Variants in RBBP4 observed in about 807,000 individuals in gnomAD.
RBBP4 encodes the protein histone-binding protein RBBP4.
Under a neutral mutation model 57.2 loss-of-function variants are expected in RBBP4, and 3 were observed. The observed-to-expected ratio is 0.05, with a 90% CI of 0.02 to 0.14. The LOEUF (loss-of-function observed/expected upper bound fraction) is 0.14. Ranked by LOEUF, RBBP4 falls within the 10% of genes least tolerant of loss-of-function variation. The probability of loss-of-function intolerance (pLI) is 1.00; values close to 1 mark genes in which losing one functional copy is unlikely to be tolerated. For missense variants in RBBP4, 107 were observed against 520.6 expected (o/e 0.21, Z 7.73); for synonymous variants, 151 against 171.5 (o/e 0.88, Z 0.93).
At chr1:32,673,001 T>G in intron 11 of RBBP4, 100 bp downstream of exon 11, 1 of 1,003,682 alleles carries the variant, frequency 1.0e-6, no homozygotes, top group Non-Finnish European at 1.5e-6. Context: ...TCTCTGTTCA[T>G]TTTACTCCCA....
intron 11 of RBBP4, among the ~76,000 whole-genome samples, chr1:32,673,862 G>T (rs1339095805): frequency 2.0e-5 from 3 of 152,142 alleles, no homozygotes; most frequent in African/African-American, 7.2e-5. Flanking sequence ...ACTCTGGGAG[G>T]CCGAGGCGGG....
intron 3 of RBBP4, among the ~76,000 whole-genome samples, chr1:32,666,803 A>T (rs1029558871): frequency 7.2e-5 from 11 of 152,232 alleles, no homozygotes; most frequent in Non-Finnish European, 1.6e-4. Flanking sequence ...AGATATAGAG[A>T]TGATCATGGA....
chr1:32,672,327 A>G (rs2762905), intron 8 of RBBP4, 123 bp from the exon 9 acceptor site: 699,321 of 764,856 alleles, frequency 0.91, 324,715 homozygotes, highest in Non-Finnish European at 0.96. Context: ...TGTAACGTGT[A>G]TAATACCTTG....
In RBBP4 at chr1:32,653,651, T is replaced by TTTG. The variant is rs1648000912; in HGVS notation, c.164+1592_164+1593insGTT. Among the ~76,000 whole-genome samples, 284 of 37,822 alleles carry TTTG rather than the reference T, an allele frequency of 7.5e-3. 11 individuals are homozygous for TTTG. In the East Asian group the frequency reaches 0.1, roughly 14 times the overall value. 24.8% of individuals were successfully genotyped at this position (37,822 alleles called of 152,430 possible). On this transcript the variant is annotated intron_variant, in intron 2 of 11. Transcript: ENST00000373493. The stretch of plus-strand genomic sequence containing the variant: ...TTTGTTTTCTGGTTTTTTTTTTTTT[T>TTTG]TTTTTTTTGTTTTTGTTTTTTTTTT...
intron 11 of RBBP4, among the ~76,000 whole-genome samples, chr1:32,673,770 A>G (rs1035072278): frequency 1.3e-5 from 2 of 152,118 alleles, no homozygotes; most frequent in Non-Finnish European, 2.9e-5. Flanking sequence ...TTTAATAAAA[A>G]TAACTGTGGT....
chr1:32,652,826 G>A (rs534710379), intron 2 of RBBP4, among the ~76,000 whole-genome samples: 51 of 152,326 alleles, frequency 3.3e-4, no homozygotes, highest in Non-Finnish European at 6.2e-4. Flanking sequence ...GATTACAGGC[G>A]TGAGCCACTG....
chr1:32,678,008 T>C (rs1373530095), intron 11 of RBBP4, among the ~76,000 whole-genome samples: 1 of 152,216 alleles, frequency 6.6e-6, no homozygotes, highest in Non-Finnish European at 1.5e-5. Context: ...AAGAACAGTT[T>C]TTCTCTTCAA....
At chr1:32,677,228 G>C (rs1372476278) in intron 11 of RBBP4, among the ~76,000 whole-genome samples, 1 of 152,026 alleles carries the variant, frequency 6.6e-6, no homozygotes, top group East Asian at 1.9e-4. Flanking sequence ...AGTTGGTTTA[G>C]TCAGAAAGGC....
chr1:32,676,117 G>A (rs1157847400), intron 11 of RBBP4, among the ~76,000 whole-genome samples: 1 of 152,132 alleles, frequency 6.6e-6, no homozygotes, highest in Non-Finnish European at 1.5e-5. Flanking sequence ...TGAGGCTACA[G>A]TGGGCTGTGA....
chr1:32,672,515 C>T lies in RBBP4; in HGVS notation c.1032C>T (p.Val344=). The T allele has an allele frequency of 1.2e-6, 2 of 1,609,940 alleles. No homozygotes were observed. Among genetic ancestry groups the T allele is most frequent in the Non-Finnish European group, 1.7e-6 (2 of 1,176,302 alleles). Residue 344 remains valine (V), a synonymous_variant, in exon 9 of 12, where the codon GTC becomes GTT. Transcript: ENST00000373493. ...ASSGTDRRLN[V]WDLSKIGEEQ... is the part of the protein sequence containing the mutation. ...GTGGTACTGATCGCAGACTGAATGTCTGGGATTTAAGGTAATTCTTGTATT... is the reference window on the plus strand; with the variant it reads ...GTGGTACTGATCGCAGACTGAATGTTTGGGATTTAAGGTAATTCTTGTATT...
chr1:32,676,041 G>A (rs1010029953), intron 11 of RBBP4, among the ~76,000 whole-genome samples: 1 of 151,928 alleles, frequency 6.6e-6, no homozygotes, highest in African/African-American at 2.4e-5. Context: ...GAGACATGGT[G>A]GCATGTGCCT....
At chr1:32,673,482 G>T in intron 11 of RBBP4, 1 of 424,322 alleles carries the variant, frequency 2.4e-6, no homozygotes, top group Non-Finnish European at 4.6e-6. Context: ...TTTTCACCCA[G>T]GCTGGAGTGC....
chr1:32,672,630 C>A lies in RBBP4; in HGVS notation c.1044-12C>A. 6.2e-7 allele frequency: 1 copy of A among 1,613,322 alleles called. No individual in the cohort carries two copies. Among genetic ancestry groups the A allele is most frequent in the Non-Finnish European group, 8.5e-7 (1 of 1,179,292 alleles). On this transcript the variant is annotated splice_polypyrimidine_tract_variant and intron_variant, in intron 9 of 11. Transcript: ENST00000373493. Reference sequence around the variant, plus strand: ...ATCTGTTTTAACTTTTAAAATTATGCTTTTGTACTAGTAAAATTGGAGAGG... The same window carrying A: ...ATCTGTTTTAACTTTTAAAATTATGATTTTGTACTAGTAAAATTGGAGAGG...
intron 1 of RBBP4, 96 bp downstream of exon 1, chr1:32,651,418 C>T (rs952541209): frequency 5.1e-6 from 7 of 1,381,360 alleles, no homozygotes; most frequent in African/African-American, 4.6e-5. Flanking sequence ...CCGAGTTTGC[C>T]GAGTGCAGTC....
At chr1:32,665,593 G>A (rs926053211) in intron 3 of RBBP4, among the ~76,000 whole-genome samples, 4 of 150,406 alleles carry the variant, frequency 2.7e-5, no homozygotes, top group Middle Eastern at 3.2e-3. Context: ...CAGGAGAATC[G>A]CTTGAACCCA....
At position 32,683,145 on chromosome 1, in the gene RBBP4, G is replaced by A. The variant is rs1156572413; in HGVS notation, c.*3440G>A. 2 of 151,968 alleles carry A rather than the reference G, an allele frequency of 1.3e-5. No individual in the cohort carries two copies. The highest frequency in any genetic ancestry group is 1.5e-5 in the Non-Finnish European group (1 of 68,082). The allele number at this position is 151,968 out of a possible 1,614,324, so 9.4% of individuals were successfully genotyped here. On this transcript the variant is annotated 3_prime_UTR_variant, in exon 12 of 12. Transcript: ENST00000373493. ...AAATACAAAAAAATTAGCCAGGCGT[G>A]GTGGTGCGTGCCTATAATCCCAGCT...
rs1372208852 is a variant in RBBP4 at position 32,684,015 on chromosome 1, G to T, written c.*4310G>T. On this transcript the variant is annotated 3_prime_UTR_variant, in exon 12 of 12. Coordinates refer to ENST00000373493, the MANE Select transcript of RBBP4 (RefSeq NM_005610.3). The stretch of plus-strand genomic sequence containing the variant: ...CTTCTCTTCACAAAGATCACCTTGA[G>T]ACTGTGTCTCCATTCCACCTGCCTG... 2 of 1,614,008 alleles carry T rather than the reference G, an allele frequency of 1.2e-6. No individual in the cohort carries two copies. Among genetic ancestry groups the T allele is most frequent in the Non-Finnish European group, 1.7e-6 (2 of 1,179,870 alleles).
At position 32,680,689 on chromosome 1, in the gene RBBP4, C is replaced by A; in HGVS notation, c.*984C>A. 1 of 685,042 alleles carries A rather than the reference C, an allele frequency of 1.5e-6. No individual in the cohort carries two copies. Among genetic ancestry groups the A allele is most frequent in the Non-Finnish European group, 2.4e-6 (1 of 420,094 alleles). The allele number at this position is 685,042 out of a possible 1,614,324, so 42.4% of individuals were successfully genotyped here. A position where few individuals can be genotyped will look rare whatever the true frequency, so the allele number is the denominator to read the frequency against. ...ATGGGTTTTATTTAGTATAAAACAT[C>A]CATCAAACACCAGTCTCTGGCTTCT... On this transcript the variant is annotated 3_prime_UTR_variant, in exon 12 of 12. Coordinates refer to ENST00000373493, the MANE Select transcript of RBBP4 (RefSeq NM_005610.3).
intron 1 of RBBP4, 111 bp downstream of exon 1, chr1:32,651,433 G>A (rs1647621540): frequency 7.3e-7 from 1 of 1,374,694 alleles, no homozygotes; most frequent in Non-Finnish European, 9.4e-7. Context: ...GCAGTCCCCG[G>A]TACTGAAGGC....
Sources: allele counts gnomAD v4.1 joint callset (sites outside exome capture counted in the v4.1 genomes callset), GRCh38; gene constraint gnomAD v4.1.1; transcripts MANE v1.5; gene names NCBI Gene and HGNC (gene_info 2026-07-23, HGNC 2026-07-21).